Variants in MIS18BP1 observed in about 807,000 individuals in gnomAD.
The protein encoded by MIS18BP1 is MIS18 binding protein 1.
A neutral mutation model predicts 116.1 loss-of-function variants in MIS18BP1; 72 were observed. The observed-to-expected ratio is 0.62, with a 90% CI of 0.51 to 0.75. The LOEUF is 0.75. MIS18BP1 is among the 30% of genes least tolerant of loss of function. The probability of loss-of-function intolerance (pLI) is 0.00; values close to 1 mark genes in which losing one functional copy is unlikely to be tolerated. For missense variants in MIS18BP1, 1,363 were observed against 1,303.2 expected, an observed-to-expected ratio of 1.05 and a Z score of -0.71; for synonymous variants, 386 against 427.0, an observed-to-expected ratio of 0.90 and a Z score of 1.18.
chr14:45,239,819 G>A (rs771205947), intron 4 of MIS18BP1, among the ~76,000 whole-genome samples: 10 of 152,276 alleles, frequency 6.6e-5, no homozygotes, highest in East Asian at 5.8e-4. Context: ...AGAAGAGGCC[G>A]CATTCAGGAG....
chr14:45,242,620 A>T, intron 3 of MIS18BP1, 102 bp from the exon 4 acceptor site: 1 of 1,473,760 alleles, frequency 6.8e-7, no homozygotes, highest in South Asian at 1.4e-5. Flanking sequence ...CCTCCTGCCC[A>T]GTCTTTCTCT....
intron 4 of MIS18BP1, chr14:45,241,830 T>G (rs1891582410): frequency 1.9e-6 from 1 of 538,288 alleles, no homozygotes; most frequent in African/African-American, 1.9e-5. Flanking sequence ...TGGGTCTTCT[T>G]ACATTCAACT....
Position 45,246,997 on chromosome 14 carries a change from G to A in MIS18BP1, c.290C>T (p.Pro97Leu). ...NSSLDISAIK[P>L]NKDGLKNKAN... ...TTTATTTTTTAATCCATCCTTGTTG[G>A]GCTTTATAGCACTGATATCAAGAGA... Residue 97 changes from proline to leucine, a missense_variant, in exon 2 of 17, where the codon CCC becomes CTC. Transcript: ENST00000310806. 1 of 1,612,342 alleles carries A rather than the reference G, an allele frequency of 6.2e-7. No homozygotes were observed. The highest frequency in any genetic ancestry group is 1.1e-5 in the South Asian group (1 of 90,574).
intron 8 of MIS18BP1, among the ~76,000 whole-genome samples, chr14:45,228,155 C>G (rs1465923283): frequency 6.6e-6 from 1 of 152,136 alleles, no homozygotes; most frequent in Non-Finnish European, 1.5e-5. Context: ...AGAGCAACAC[C>G]CTGTCTCAGA....
Position 45,232,812 on chromosome 14 carries a change from T to A in MIS18BP1, c.1357A>T (p.Asn453Tyr). 7.2e-7 allele frequency: 1 copy of A among 1,389,420 alleles called. No individual in the cohort carries two copies. The highest frequency in any genetic ancestry group is 2.1e-5 in the Admixed American group (1 of 48,346). The allele number at this position is 1,389,420 out of a possible 1,614,324, so 86.1% of individuals were successfully genotyped here. A position where few individuals can be genotyped will look rare whatever the true frequency, so the allele number is the denominator to read the frequency against. Reference protein sequence around the residue: ...QISMKEAGYPNYLIRKFMFGF... With the variant: ...QISMKEAGYPYYLIRKFMFGF... ...AACATAAATTTCCTTATGAGATAATTTGGATATCCTATTTAAGGATAAACA... is the reference window on the plus strand; with the variant it reads ...AACATAAATTTCCTTATGAGATAATATGGATATCCTATTTAAGGATAAACA... The change falls in exon 7 of 17, where the codon AAT becomes TAT. Residue 453 changes from asparagine (N) to tyrosine (Y), a missense_variant. Transcript: ENST00000310806.
At chr14:45,211,798 C>T (rs1250280106) in intron 13 of MIS18BP1, among the ~76,000 whole-genome samples, 1 of 152,192 alleles carries the variant, frequency 6.6e-6, no homozygotes, top group East Asian at 1.9e-4. Flanking sequence ...GTAGTAAGAA[C>T]ATTAGGGGAG....
At position 45,231,211 on chromosome 14, in the gene MIS18BP1, A is replaced by G. The variant is rs769038431; in HGVS notation, c.1524T>C (p.Asp508=). 7 of 1,613,884 alleles carry G rather than the reference A, an allele frequency of 4.3e-6. No homozygotes were observed. The Admixed American group carries it at 1.0e-4, about 23-fold the overall frequency. Residue 508 remains aspartate (D), a synonymous_variant, in exon 8 of 17, where the codon GAT becomes GAC. Transcript: ENST00000310806. ...VRDIRKSMKN[D]ARENQTDTAQ... is the part of the protein sequence containing the mutation. ...CAGTATCTGTTTGGTTTTCTCGTGC[A>G]TCATTTTTCATTGATTTCCTTATGT... is the stretch of plus-strand genomic sequence containing the variant.
At chr14:45,218,775 T>C (rs953234757) in intron 11 of MIS18BP1, among the ~76,000 whole-genome samples, 3 of 152,056 alleles carry the variant, frequency 2.0e-5, no homozygotes, top group African/African-American at 7.2e-5. Context: ...TACGGTTTTT[T>C]AGGAGATTTT....
intron 11 of MIS18BP1, among the ~76,000 whole-genome samples, chr14:45,219,379 T>C (rs963454262): frequency 7.9e-5 from 12 of 152,248 alleles, no homozygotes; most frequent in African/African-American, 2.7e-4. Flanking sequence ...ACTCCCATTG[T>C]AGTTGATGTC....
intron 15 of MIS18BP1, among the ~76,000 whole-genome samples, chr14:45,205,519 G>A (rs1255983360): frequency 6.6e-6 from 1 of 151,948 alleles, no homozygotes; most frequent in Non-Finnish European, 1.5e-5. Context: ...AGGGGATAAA[G>A]GACTGTCCTA....
At chr14:45,212,202 T>C (rs960365794) in intron 13 of MIS18BP1, among the ~76,000 whole-genome samples, 1 of 152,156 alleles carries the variant, frequency 6.6e-6, no homozygotes, top group Non-Finnish European at 1.5e-5. Flanking sequence ...TTGTTTGCAG[T>C]GTAGGTGTGT....
intron 2 of MIS18BP1, among the ~76,000 whole-genome samples, chr14:45,244,476 T>G (rs970143444): frequency 1.3e-5 from 2 of 152,132 alleles, no homozygotes; most frequent in African/African-American, 4.8e-5. Context: ...AGCTTAAATT[T>G]CATTATGACT....
chr14:45,220,261 C>A (rs1890937432), intron 11 of MIS18BP1, among the ~76,000 whole-genome samples: 1 of 152,132 alleles, frequency 6.6e-6, no homozygotes, highest in African/African-American at 2.4e-5. Context: ...CACACCCATT[C>A]TTTCAGTATT....
chr14:45,227,493 C>T (rs1473231257), intron 9 of MIS18BP1, among the ~76,000 whole-genome samples, 170 bp downstream of exon 9: 6 of 149,758 alleles, frequency 4.0e-5, no homozygotes, highest in South Asian at 4.2e-4. Context: ...TGCAATAAGC[C>T]GAGATCACGC....
chr14:45,233,076 G>A (rs536568395), intron 6 of MIS18BP1, among the ~76,000 whole-genome samples: 53 of 152,246 alleles, frequency 3.5e-4, no homozygotes, highest in Non-Finnish European at 4.7e-4. Context: ...ATGCAGGGAC[G>A]GTGGACAGGT....
intron 13 of MIS18BP1, among the ~76,000 whole-genome samples, chr14:45,215,390 G>T: frequency 6.6e-6 from 1 of 152,056 alleles, no homozygotes; most frequent in Non-Finnish European, 1.5e-5. Flanking sequence ...TAGTCCAATT[G>T]TCTGTTATCC....
At chr14:45,217,846 T>C (rs762623904) in intron 12 of MIS18BP1, among the ~76,000 whole-genome samples, 3 of 152,298 alleles carry the variant, frequency 2.0e-5, no homozygotes, top group East Asian at 3.9e-4. Context: ...TGACAGGGTA[T>C]TGGGTTCTCG....
In MIS18BP1 at chr14:45,246,818, T is replaced by C; in HGVS notation, c.469A>G (p.Lys157Glu). ...TFTPNRVEKKKLQHTYLCEEK... is the reference protein window; with the variant it reads ...TFTPNRVEKKELQHTYLCEEK... Reference sequence around the variant, plus strand: ...TCACATAGGTAGGTATGCTGCAATTTTTTTTTTTCAACTCTGTTAGGAGTG... The same window carrying C: ...TCACATAGGTAGGTATGCTGCAATTCTTTTTTTTCAACTCTGTTAGGAGTG... Residue 157 changes from lysine (K) to glutamate (E), a missense_variant, in exon 2 of 17, where the codon AAA (lysine) becomes GAA (glutamate). By Grantham distance (56) the Lys-to-Glu change is moderately conservative. Coordinates refer to ENST00000310806, the MANE Select transcript of MIS18BP1 (RefSeq NM_018353.5). 1 of 1,594,322 alleles carries C rather than the reference T, an allele frequency of 6.3e-7. No homozygotes were observed. The highest frequency in any genetic ancestry group is 8.5e-7 in the Non-Finnish European group (1 of 1,175,128).
intron 8 of MIS18BP1, among the ~76,000 whole-genome samples, 154 bp from the exon 9 acceptor site, chr14:45,227,968 G>T (rs1221834552): frequency 2.0e-5 from 3 of 152,180 alleles, no homozygotes; most frequent in Non-Finnish European, 4.4e-5. Context: ...CTTGAGCCCA[G>T]GAGTTCAAGA....
Sources: allele counts gnomAD v4.1 joint callset (sites outside exome capture counted in the v4.1 genomes callset), GRCh38; gene constraint gnomAD v4.1.1; transcripts MANE v1.5; gene names NCBI Gene and HGNC (gene_info 2026-07-23, HGNC 2026-07-21).